The following ARHGAP12 variants were observed in gnomAD, a reference collection of about 807,000 sequenced individuals.
ARHGAP12 encodes rho GTPase-activating protein 12.
In ARHGAP12, 64 loss-of-function variants were observed where a neutral mutation model predicts 108.6. That is an observed-to-expected ratio of 0.59 (90% confidence interval 0.48 to 0.73). ARHGAP12 has a LOEUF of 0.73. Among genes scored for constraint, ARHGAP12 ranks in the 30% least tolerant of loss-of-function variants. The pLI is 0.00. For missense variants in ARHGAP12, 940 were observed against 1,005.9 expected, an observed-to-expected ratio of 0.93 and a Z score of 0.89; for synonymous variants, 312 against 337.2, an observed-to-expected ratio of 0.93 and a Z score of 0.82.
At chr10:31,862,363 T>C (rs747030261) in intron 3 of ARHGAP12, among the ~76,000 whole-genome samples, 2 of 152,214 alleles carry the variant, frequency 1.3e-5, no homozygotes, top group Non-Finnish European at 2.9e-5. Flanking sequence ...ACATGTTTAA[T>C]GTTTAGCTAC....
chr10:31,908,378 T>C lies in ARHGAP12; in HGVS notation c.478A>G (p.Asn160Asp). The change falls in exon 3 of 20, where the codon AAC becomes GAC. Residue 160 changes from asparagine to aspartate, a missense_variant. Transcript: ENST00000344936. Reference protein sequence around the residue: ...LDLTHNNGKFNNDSHSPKVSS... With the variant: ...LDLTHNNGKFDNDSHSPKVSS... ...ACTTTAGGAGAATGTGAGTCATTGT[T>C]AAACTTTCCGTTATTATGGGTCAGG... 1 of 1,614,204 alleles carries C rather than the reference T, an allele frequency of 6.2e-7. No homozygotes were observed. The highest frequency in any genetic ancestry group is 1.1e-5 in the South Asian group (1 of 91,080).
intron 13 of ARHGAP12, among the ~76,000 whole-genome samples, chr10:31,814,840 G>A (rs891128449): frequency 4.6e-5 from 7 of 151,974 alleles, no homozygotes; most frequent in African/African-American, 1.7e-4. Context: ...GCGGCCAGGC[G>A]TGGTGGCTCA....
At chr10:31,822,123 G>C (rs1835439154) in intron 11 of ARHGAP12, among the ~76,000 whole-genome samples, 3 of 151,670 alleles carry the variant, frequency 2.0e-5, no homozygotes, top group Admixed American at 6.6e-5. Flanking sequence ...CATTTCGTTA[G>C]TTATTATTTT....
chr10:31,863,666 T>C (rs1420101765), intron 3 of ARHGAP12, among the ~76,000 whole-genome samples: 1 of 152,066 alleles, frequency 6.6e-6, no homozygotes, highest in Non-Finnish European at 1.5e-5. Context: ...GAAAATATCC[T>C]AAATAAAACA....
chr10:31,894,908 C>T (rs1290738266), intron 3 of ARHGAP12, among the ~76,000 whole-genome samples: 1 of 152,090 alleles, frequency 6.6e-6, no homozygotes, highest in East Asian at 1.9e-4. Flanking sequence ...GAGATACAGA[C>T]CAATGGAACA....
intron 3 of ARHGAP12, among the ~76,000 whole-genome samples, chr10:31,886,572 T>C (rs1838197695): frequency 1.3e-5 from 2 of 152,206 alleles, no homozygotes; most frequent in Non-Finnish European, 2.9e-5. Context: ...CCAAGAATTC[T>C]GAAATATAAA....
At position 31,861,590 on chromosome 10, in the gene ARHGAP12, T is replaced by C. The variant is rs1272391647; in HGVS notation, c.753A>G (p.Ile251Met). Residue 251 changes from isoleucine (I) to methionine (M), a missense_variant, in exon 4 of 20, where the codon ATA (isoleucine) becomes ATG (methionine). Ile to Met is a conservative substitution (Grantham distance 10, BLOSUM62 1). Transcript: ENST00000344936. ...GAAGTGGGGGAAGAGCAGACTGGGA[T>C]ATTTTCAGTTCTTGAAGGTTAGCAT... ...PVYANLQELKISQSALPPLPG... is the reference protein window; with the variant it reads ...PVYANLQELKMSQSALPPLPG... The C allele has an allele frequency of 2.5e-6, 4 of 1,614,192 alleles. No homozygotes were observed. In the South Asian group the frequency reaches 4.4e-5, roughly 18 times the overall value.
At chr10:31,847,571 T>C (rs977375628) in intron 6 of ARHGAP12, among the ~76,000 whole-genome samples, 1 of 152,192 alleles carries the variant, frequency 6.6e-6, no homozygotes, top group Non-Finnish European at 1.5e-5. Context: ...TAGGACCTTA[T>C]ACACAGTTTA....
At chr10:31,886,251 C>T (rs188788646) in intron 3 of ARHGAP12, among the ~76,000 whole-genome samples, 14 of 152,258 alleles carry the variant, frequency 9.2e-5, no homozygotes, top group African/African-American at 3.4e-4. Flanking sequence ...AGGGTGAAAA[C>T]ACAGAACATT....
intron 1 of ARHGAP12, among the ~76,000 whole-genome samples, chr10:31,919,943 C>A (rs1178261822): frequency 6.7e-6 from 1 of 150,104 alleles, no homozygotes; most frequent in Non-Finnish European, 1.5e-5. Context: ...TGGTGAAACC[C>A]CATCTCTACT....
chr10:31,898,176 T>A (rs1471531577), intron 3 of ARHGAP12, among the ~76,000 whole-genome samples: 1 of 152,100 alleles, frequency 6.6e-6, no homozygotes, highest in Admixed American at 6.6e-5. Flanking sequence ...ATACATTTGG[T>A]AAGTGACCTC....
intron 3 of ARHGAP12, among the ~76,000 whole-genome samples, chr10:31,887,998 A>G (rs1838253470): frequency 6.6e-6 from 1 of 151,994 alleles, no homozygotes; most frequent in Non-Finnish European, 1.5e-5. Context: ...CTCTCTACTC[A>G]CAAAGTCTGG....
At chr10:31,871,267 A>C (rs1239903535) in intron 3 of ARHGAP12, among the ~76,000 whole-genome samples, 1 of 152,230 alleles carries the variant, frequency 6.6e-6, no homozygotes, top group Non-Finnish European at 1.5e-5. Context: ...AACACTACTG[A>C]TAACTAAGTG....
At position 31,805,646 on chromosome 10, in the gene ARHGAP12, CTTCACACA is replaced by C. The variant is rs1834794977; in HGVS notation, c.*2004_*2011del. The stretch of plus-strand genomic sequence containing the variant: ...CTGTAGACTAATAAAACATTTAAGA[CTTCACACA>C]CACACACACACACACACACACACAC... On this transcript the variant is annotated 3_prime_UTR_variant, in exon 20 of 20. Transcript: ENST00000344936. 1 of 68,766 alleles carries C rather than the reference CTTCACACA, an allele frequency of 1.5e-5. No homozygotes were observed. The highest frequency in any genetic ancestry group is 7.6e-5 in the African/African-American group (1 of 13,196). 4.3% of individuals were successfully genotyped at this position (68,766 alleles called of 1,614,324 possible).
At position 31,820,443 on chromosome 10, in the gene ARHGAP12, C is replaced by T; in HGVS notation, c.1576G>A (p.Gly526Arg). Residue 526 changes from glycine to arginine, a missense_variant, in exon 12 of 20, where the codon GGG becomes AGG. Gly to Arg is a moderately radical substitution (Grantham distance 125). Transcript: ENST00000344936. ...TTTGAAGCCATCTCAATTGTTGCCC[C>T]CTTGAGGTCCACTGTGAACTCTGGT... The part of the protein sequence containing the change: ...SKPEFTVDLK[G>R]ATIEMASKDK... The T allele has an allele frequency of 3.1e-6, 5 of 1,611,914 alleles. No individual in the cohort carries two copies. Among genetic ancestry groups the T allele is most frequent in the African/African-American group, 1.3e-5 (1 of 74,856 alleles).
chr10:31,863,775 A>G (rs1053969365), intron 3 of ARHGAP12, among the ~76,000 whole-genome samples: 3 of 152,164 alleles, frequency 2.0e-5, no homozygotes, highest in African/African-American at 7.2e-5. Context: ...TCATAGATAA[A>G]CACGATCATC....
At chr10:31,839,737 GT>G in intron 7 of ARHGAP12, 26 bp from the exon 8 acceptor site, 1 of 1,551,400 alleles carries the variant, frequency 6.4e-7, no homozygotes, top group Non-Finnish European at 8.8e-7. Flanking sequence ...AATGAAAAAA[GT>G]TACTCTATTT....
At chr10:31,891,717 C>T (rs1455532281) in intron 3 of ARHGAP12, among the ~76,000 whole-genome samples, 1 of 152,184 alleles carries the variant, frequency 6.6e-6, no homozygotes, top group African/African-American at 2.4e-5. Context: ...TTCACGTACA[C>T]CAATCAGATG....
intron 3 of ARHGAP12, among the ~76,000 whole-genome samples, chr10:31,878,546 T>C (rs1283024933): frequency 6.6e-6 from 1 of 152,240 alleles, no homozygotes. Context: ...TTTATTAAAA[T>C]GAGGCAAAAA....
Sources: allele counts gnomAD v4.1 joint callset (sites outside exome capture counted in the v4.1 genomes callset), GRCh38; gene constraint gnomAD v4.1.1; transcripts MANE v1.5; gene names NCBI Gene and HGNC (gene_info 2026-07-23, HGNC 2026-07-21).